Variants in KCNC2 observed in about 807,000 individuals in gnomAD.
KCNC2 encodes the protein potassium voltage-gated channel subfamily C member 2.
A neutral mutation model predicts 44.5 loss-of-function variants in KCNC2; 21 were observed. That is an observed-to-expected ratio of 0.47 (90% confidence interval 0.33 to 0.68). The LOEUF (loss-of-function observed/expected upper bound fraction) is 0.68, where lower values mean the gene tolerates loss of function less well. Ranked by LOEUF, KCNC2 falls within the 30% of genes least tolerant of loss-of-function variation. The probability of loss-of-function intolerance (pLI) is 0.01; values close to 1 mark genes in which losing one functional copy is unlikely to be tolerated. For missense variants in KCNC2, 589 were observed against 826.2 expected (o/e 0.71, Z 3.52); for synonymous variants, 391 against 339.1 (o/e 1.15, Z -1.68).
chr12:75,183,764 A>G (rs576398033), intron 2 of KCNC2, among the ~76,000 whole-genome samples: 36 of 152,336 alleles, frequency 2.4e-4, no homozygotes, highest in Admixed American at 9.8e-4. Context: ...GTTTTACCCT[A>G]GAATATGAAA....
At chr12:75,180,897 A>T (rs1892526366) in intron 2 of KCNC2, among the ~76,000 whole-genome samples, 1 of 152,056 alleles carries the variant, frequency 6.6e-6, no homozygotes, top group Admixed American at 6.5e-5. Context: ...AATGTCTTCC[A>T]TAGTTAGCAT....
chr12:75,173,363 T>C (rs1312957480), intron 2 of KCNC2, among the ~76,000 whole-genome samples: 1 of 151,908 alleles, frequency 6.6e-6, no homozygotes, highest in Non-Finnish European at 1.5e-5. Flanking sequence ...AAAGATACAA[T>C]TGAAATTATC....
chr12:75,136,721 G>A (rs1327224683), intron 2 of KCNC2, among the ~76,000 whole-genome samples: 1 of 152,000 alleles, frequency 6.6e-6, no homozygotes, highest in African/African-American at 2.4e-5. Flanking sequence ...GGACCAGATG[G>A]ATTCACAACT....
chr12:75,124,956 A>C (rs562836591), intron 2 of KCNC2: 7 of 152,374 alleles, frequency 4.6e-5, no homozygotes, highest in Admixed American at 2.6e-4. Flanking sequence ...TACAAAAAAA[A>C]TTAGCCGGGC....
intron 3 of KCNC2, 132 bp downstream of exon 3, chr12:75,050,258 C>G (rs1881021488): frequency 2.9e-6 from 2 of 686,840 alleles, no homozygotes; most frequent in Non-Finnish European, 5.0e-6. Flanking sequence ...CTGACACAAA[C>G]ACACATTTCG....
intron 2 of KCNC2, among the ~76,000 whole-genome samples, chr12:75,063,306 T>C (rs930132380): frequency 1.1e-4 from 17 of 152,074 alleles, no homozygotes; most frequent in Non-Finnish European, 2.1e-4. Context: ...ACTCCTATGT[T>C]GAGTCTTGGA....
chr12:75,100,500 C>T (rs531919081), intron 2 of KCNC2, among the ~76,000 whole-genome samples: 1 of 152,060 alleles, frequency 6.6e-6, no homozygotes, highest in African/African-American at 2.4e-5. Context: ...TTCCAAGCCA[C>T]TTATGACATT....
At chr12:75,143,895 TTAAG>T (rs1190237036) in intron 2 of KCNC2, among the ~76,000 whole-genome samples, 1 of 152,178 alleles carries the variant, frequency 6.6e-6, no homozygotes, top group Non-Finnish European at 1.5e-5. Context: ...TAAAACTAAT[TTAAG>T]TGTCAGCAAT....
intron 2 of KCNC2, among the ~76,000 whole-genome samples, chr12:75,086,699 T>TATATATATATATATATAC (rs1339170718): frequency 2.9e-5 from 4 of 138,860 alleles, no homozygotes; most frequent in African/African-American, 1.1e-4. Context: ...TATATATATA[T>TATATATATATATATATAC]ACACACACAT....
At chr12:75,084,287 AGAT>A (rs760497460) in intron 2 of KCNC2, among the ~76,000 whole-genome samples, 2,585 of 122,598 alleles carry the variant, frequency 0.021, 33 homozygotes, top group Middle Eastern at 0.065. Context: ...ATAGATAGAT[AGAT>A]GATAGATAGA....
chr12:75,110,301 A>G (rs917276049), intron 2 of KCNC2, among the ~76,000 whole-genome samples: 1 of 152,154 alleles, frequency 6.6e-6, no homozygotes, highest in Non-Finnish European at 1.5e-5. Flanking sequence ...ATCTATACAA[A>G]GTAGGTAACT....
chr12:75,114,359 G>C (rs1172076071), intron 2 of KCNC2, among the ~76,000 whole-genome samples: 1 of 152,130 alleles, frequency 6.6e-6, no homozygotes, highest in Non-Finnish European at 1.5e-5. Context: ...AAATATGGTG[G>C]GTTCTTGTTT....
At chr12:75,054,742 C>T (rs1297061217) in intron 2 of KCNC2, among the ~76,000 whole-genome samples, 1 of 152,068 alleles carries the variant, frequency 6.6e-6, no homozygotes, top group East Asian at 1.9e-4. Context: ...AAATGTAGCA[C>T]CCATGAAAAT....
chr12:75,179,866 GAC>G (rs1367503205), intron 2 of KCNC2, among the ~76,000 whole-genome samples: 4 of 151,384 alleles, frequency 2.6e-5, no homozygotes, highest in Admixed American at 6.6e-5. Context: ...CTATTTCACT[GAC>G]ACACAGTCTC....
intron 2 of KCNC2, among the ~76,000 whole-genome samples, chr12:75,199,005 T>G (rs1209162370): frequency 7.2e-5 from 11 of 151,878 alleles, no homozygotes; most frequent in Non-Finnish European, 4.4e-5. Context: ...TCTTTGCATT[T>G]TATTATTTAC....
rs185968208 is a variant in KCNC2, at chr12:75,164,514, G to A, written c.687+42783C>T. The stretch of plus-strand genomic sequence containing the variant: ...TTCTGATACTTTGCCAGTAGCCACT[G>A]TTCCTGCAGGCTTTCACTTAATGCA... On this transcript the variant is annotated intron_variant, in intron 2 of 4. Coordinates refer to ENST00000549446, the MANE Select transcript of KCNC2 (RefSeq NM_139137.4). Among the ~76,000 whole-genome samples the A allele has an allele frequency of 9.2e-5, 14 of 151,764 alleles. No individual in the cohort carries two copies. The East Asian group carries it at 2.5e-3, about 28-fold the overall frequency.
At chr12:75,131,904 CGTGGACTTCTGCCCCACAAAACT>C (rs1180670847) in intron 2 of KCNC2, among the ~76,000 whole-genome samples, 1 of 152,136 alleles carries the variant, frequency 6.6e-6, no homozygotes, top group East Asian at 1.9e-4. Flanking sequence ...GCCAGCTTTG[CGTGGACTTCTGCCCCACAAAACT>C]GTGAGATAAT....
intron 2 of KCNC2, among the ~76,000 whole-genome samples, chr12:75,147,767 C>T (rs1458598): frequency 0.11 from 17,403 of 152,092 alleles, 1,147 homozygotes; most frequent in African/African-American, 0.16. Flanking sequence ...CACACTCAGA[C>T]GTTACAGTTT....
intron 2 of KCNC2, among the ~76,000 whole-genome samples, chr12:75,119,095 G>T (rs1051356237): frequency 2.0e-5 from 3 of 152,138 alleles, no homozygotes; most frequent in African/African-American, 7.2e-5. Flanking sequence ...AATTGAAATG[G>T]TACATGGAAT....
Sources: gnomAD v4.1 joint callset for allele counts (sites outside exome capture counted in the v4.1 genomes callset) on GRCh38, gnomAD v4.1.1 for gene constraint, MANE v1.5 for transcripts, NCBI Gene and HGNC (gene_info 2026-07-23, HGNC 2026-07-21) for gene names.